KSR2: variants seen among roughly 807,000 people sequenced by gnomAD.
KSR2 encodes kinase suppressor of ras 2.
In KSR2, 25 loss-of-function variants were observed where a neutral mutation model predicts 107.8. The observed-to-expected ratio is 0.23, with a 90% CI of 0.17 to 0.32. KSR2 has a LOEUF of 0.32. Among genes scored for constraint, KSR2 ranks in the 10% least tolerant of loss-of-function variants. The pLI is 1.00. For synonymous variants in KSR2, 480 were observed against 507.0 expected, an observed-to-expected ratio of 0.95 and a Z score of 0.71; for missense variants, 887 against 1,268.9, an observed-to-expected ratio of 0.70 and a Z score of 4.57.
chr12:117,576,017 A>T (rs565972392), intron 7 of KSR2, among the ~76,000 whole-genome samples: 22 of 150,786 alleles, frequency 1.5e-4, no homozygotes, highest in African/African-American at 4.1e-4. Flanking sequence ...CTTGAAGCTT[A>T]CCCCCCCACC....
At chr12:117,626,955 T>C (rs906074595) in intron 5 of KSR2, among the ~76,000 whole-genome samples, 7 of 152,112 alleles carry the variant, frequency 4.6e-5, no homozygotes, top group South Asian at 2.1e-4. Flanking sequence ...TTTACCATTA[T>C]GTAATGGGCT....
At chr12:117,764,353 ACT>A (rs1002822306) in intron 3 of KSR2, among the ~76,000 whole-genome samples, 2 of 151,962 alleles carry the variant, frequency 1.3e-5, no homozygotes, top group African/African-American at 4.8e-5. Context: ...AATTTTTGTA[ACT>A]CTGTGTGCAA....
intron 3 of KSR2, among the ~76,000 whole-genome samples, chr12:117,823,459 G>C (rs747200380): frequency 2.0e-5 from 3 of 152,036 alleles, no homozygotes; most frequent in African/African-American, 7.3e-5. Context: ...AGTGAGGGTC[G>C]GGCTGGAATC....
At chr12:117,490,919 TG>T (rs1354171574) in intron 14 of KSR2, among the ~76,000 whole-genome samples, 1 of 152,248 alleles carries the variant, frequency 6.6e-6, no homozygotes, top group East Asian at 1.9e-4. Context: ...CACATTTTTT[TG>T]TGTGCGGTGA....
chr12:117,601,501 G>A (rs1880953839), intron 5 of KSR2, among the ~76,000 whole-genome samples: 1 of 152,156 alleles, frequency 6.6e-6, no homozygotes, highest in Non-Finnish European at 1.5e-5. Flanking sequence ...CACACAGAGG[G>A]AAGAGGATGC....
intron 5 of KSR2, among the ~76,000 whole-genome samples, chr12:117,655,956 C>T (rs374986763): frequency 2.0e-5 from 3 of 152,098 alleles, no homozygotes; most frequent in Non-Finnish European, 4.4e-5. Context: ...ACAAATGACC[C>T]GGACCCTTCA....
At chr12:117,555,966 T>C (rs1019647077) in intron 8 of KSR2, among the ~76,000 whole-genome samples, 2 of 152,056 alleles carry the variant, frequency 1.3e-5, no homozygotes, top group African/African-American at 4.8e-5. Flanking sequence ...GTTGTTGTTG[T>C]TGTTGTTGTT....
chr12:117,951,188 G>A (rs1896355255), intron 1 of KSR2, among the ~76,000 whole-genome samples: 1 of 152,150 alleles, frequency 6.6e-6, no homozygotes. Context: ...GATTACAGGT[G>A]TGAGCCACCG....
At chr12:117,510,383 C>T (rs1407725947) in intron 14 of KSR2, among the ~76,000 whole-genome samples, 1 of 152,180 alleles carries the variant, frequency 6.6e-6, no homozygotes, top group Non-Finnish European at 1.5e-5. Flanking sequence ...GTTACCTCTA[C>T]ATGATAGATG....
intron 7 of KSR2, among the ~76,000 whole-genome samples, chr12:117,569,490 C>T (rs1878737320): frequency 6.6e-6 from 1 of 152,212 alleles, no homozygotes; most frequent in African/African-American, 2.4e-5. Flanking sequence ...AAATCTTGTG[C>T]TGGTTAACTC....
intron 4 of KSR2, among the ~76,000 whole-genome samples, chr12:117,686,689 A>G (rs1252276649): frequency 6.6e-6 from 1 of 152,170 alleles, no homozygotes. Flanking sequence ...AAGCCCGTAA[A>G]GACCCTTCTC....
At chr12:117,573,713 G>A (rs1486273278) in intron 7 of KSR2, among the ~76,000 whole-genome samples, 3 of 151,736 alleles carry the variant, frequency 2.0e-5, no homozygotes, top group Admixed American at 2.0e-4. Context: ...ATTTTTAGTG[G>A]AGATGGGGTT....
chr12:117,537,397 T>C (rs1345317668), intron 10 of KSR2, among the ~76,000 whole-genome samples: 1 of 152,250 alleles, frequency 6.6e-6, no homozygotes, highest in Non-Finnish European at 1.5e-5. Context: ...ATAGCCACTG[T>C]ACTTTATTAT....
At chr12:117,895,239 T>A (rs1239698829) in intron 1 of KSR2, among the ~76,000 whole-genome samples, 1 of 151,898 alleles carries the variant, frequency 6.6e-6, no homozygotes, top group Non-Finnish European at 1.5e-5. Context: ...TGTCTCTAAG[T>A]ATCTATATAA....
At chr12:117,682,991 A>C (rs147103573) in intron 4 of KSR2, among the ~76,000 whole-genome samples, 347 of 152,212 alleles carry the variant, frequency 2.3e-3, no homozygotes, top group African/African-American at 7.9e-3. Context: ...CCTAAGTTGA[A>C]GCTTCAAATA....
intron 5 of KSR2, among the ~76,000 whole-genome samples, chr12:117,612,740 C>CCCCA (rs1565926120): frequency 1.3e-5 from 2 of 152,162 alleles, no homozygotes; most frequent in Admixed American, 1.3e-4. Context: ...GGCTCTGTGT[C>CCCCA]CCCACCCAAA....
Position 117,860,277 on chromosome 12 carries a change from GC to G in KSR2, c.321+13del. The G allele has an allele frequency of 1.9e-6, 3 of 1,603,628 alleles. No homozygotes were observed. The highest frequency in any genetic ancestry group is 1.7e-6 in the Non-Finnish European group (2 of 1,172,132). On this transcript the variant is annotated intron_variant, in intron 2 of 19. Transcript: ENST00000339824. ...CCAGTAAGGGGCAGGGGACACAGGG[GC>G]CCCCCAGGTCACCTCCAGGACCTCC...
chr12:117,781,877 A>C (rs1339331811), intron 3 of KSR2, among the ~76,000 whole-genome samples: 3 of 152,196 alleles, frequency 2.0e-5, no homozygotes, highest in Non-Finnish European at 4.4e-5. Flanking sequence ...GATAAAGAAC[A>C]AATGCAAAAC....
At chr12:117,850,445 G>A (rs910884951) in intron 3 of KSR2, among the ~76,000 whole-genome samples, 13 of 152,190 alleles carry the variant, frequency 8.5e-5, no homozygotes, top group African/African-American at 2.4e-4. Flanking sequence ...AAAACTCTAA[G>A]TAATTCATGA....
Sources: gnomAD v4.1 joint callset for allele counts (sites outside exome capture counted in the v4.1 genomes callset) on GRCh38, gnomAD v4.1.1 for gene constraint, MANE v1.5 for transcripts, NCBI Gene and HGNC (gene_info 2026-07-23, HGNC 2026-07-21) for gene names.